Variants in GARIN4 observed in about 807,000 individuals in gnomAD.
GARIN4 encodes Golgi-associated RAB2 interactor protein 4.
chr1:212,624,800 G>C, the GARIN4 span: 6 of 1,457,196 alleles, frequency 4.1e-6, no homozygotes, highest in East Asian at 1.5e-4. Context: ...AGCACCACTG[G>C]TCCCTCATCT....
At chr1:212,624,990 A>C in the GARIN4 span, 1 of 1,614,186 alleles carries the variant, frequency 6.2e-7, no homozygotes, top group Non-Finnish European at 8.5e-7. Context: ...GGGGAGTACG[A>C]TATATTCAAG....
the GARIN4 span, chr1:212,626,573 G>A: frequency 8.7e-5 from 140 of 1,614,120 alleles, 1 homozygote; most frequent in Middle Eastern, 5.0e-4. Flanking sequence ...CGTGGCCATC[G>A]CCGAGACAGC....
the GARIN4 span, chr1:212,626,268 TC>T: frequency 6.2e-7 from 1 of 1,614,046 alleles, no homozygotes. Flanking sequence ...AGGTCCTCAT[TC>T]AGCCACAGAG....
the GARIN4 span, chr1:212,626,116 C>G: frequency 1.9e-6 from 3 of 1,614,088 alleles, no homozygotes; most frequent in South Asian, 3.3e-5. Context: ...GGGAGCGAAC[C>G]CAGGCCAGCG....
the GARIN4 span, chr1:212,625,489 C>G: frequency 4.8e-5 from 78 of 1,614,024 alleles, no homozygotes; most frequent in Middle Eastern, 1.6e-4. Context: ...ACAGGAGGAG[C>G]CTGGGAGCCG....
the GARIN4 span, chr1:212,625,948 C>A: frequency 9.9e-6 from 16 of 1,614,098 alleles, no homozygotes; most frequent in Non-Finnish European, 1.4e-5. Context: ...ATGTTTCCAG[C>A]GCATCCATGA....
At chr1:212,625,831 C>T in the GARIN4 span, 39 of 1,614,062 alleles carry the variant, frequency 2.4e-5, no homozygotes, top group South Asian at 2.6e-4. Flanking sequence ...CGGCCACCAT[C>T]GGTGCAGGAG....
the GARIN4 span, chr1:212,624,821 C>T: frequency 6.7e-7 from 1 of 1,482,552 alleles, no homozygotes; most frequent in Non-Finnish European, 9.0e-7. Flanking sequence ...GCCACCGAGG[C>T]CAAGGAAGAC....
At chr1:212,625,180 T>C in the GARIN4 span, 5 of 1,614,104 alleles carry the variant, frequency 3.1e-6, no homozygotes, top group Non-Finnish European at 4.2e-6. Context: ...ATGCTGGACA[T>C]GGCCAGGCCA....
chr1:212,625,237 G>C, the GARIN4 span: 1 of 1,614,150 alleles, frequency 6.2e-7, no homozygotes, highest in Non-Finnish European at 8.5e-7. Context: ...AGCTCACCAG[G>C]CTTCTGCCCC....
the GARIN4 span, chr1:212,626,176 C>T: frequency 2.9e-5 from 47 of 1,613,978 alleles, no homozygotes; most frequent in Non-Finnish European, 3.5e-5. Context: ...ACAGGGCTCT[C>T]GGAAGGAGTT....
chr1:212,625,971 A>G, the GARIN4 span: 4 of 1,614,234 alleles, frequency 2.5e-6, no homozygotes, highest in Non-Finnish European at 3.4e-6. Context: ...CTTTCCCGAG[A>G]GGGCAGTGTG....
At chr1:212,625,481 A>G in the GARIN4 span, 42 of 1,614,228 alleles carry the variant, frequency 2.6e-5, no homozygotes, top group African/African-American at 5.2e-4. Flanking sequence ...TCAGGAAGAC[A>G]GGAGGAGCCT....
At chr1:212,625,300 G>A in the GARIN4 span, 2 of 1,614,148 alleles carry the variant, frequency 1.2e-6, no homozygotes, top group Non-Finnish European at 1.7e-6. Flanking sequence ...AGCTGCGCCT[G>A]AAGTTCGCCA....
chr1:212,626,769 T>C, the GARIN4 span: 89 of 1,465,470 alleles, frequency 6.1e-5, no homozygotes, highest in Non-Finnish European at 8.0e-5. Context: ...GAATCATACA[T>C]CTGAAAGTGG....
chr1:212,625,197 G>GA, the GARIN4 span: 1 of 1,613,934 alleles, frequency 6.2e-7, no homozygotes, highest in African/African-American at 1.3e-5. Flanking sequence ...GCCACCAAGA[G>GA]AAAAAAACGC....
At chr1:212,626,218 C>T in the GARIN4 span, 4 of 1,614,044 alleles carry the variant, frequency 2.5e-6, no homozygotes, top group South Asian at 2.2e-5. Context: ...AAAGCCGCCA[C>T]AAAACAAGGG....
At chr1:212,625,701 T>A in the GARIN4 span, 42 of 1,613,982 alleles carry the variant, frequency 2.6e-5, no homozygotes, top group Non-Finnish European at 3.4e-5. Context: ...ACAGGGGGGA[T>A]TAAAGAGGCA....
chr1:212,626,020 A>G, the GARIN4 span: 1 of 1,614,266 alleles, frequency 6.2e-7, no homozygotes, highest in Non-Finnish European at 8.5e-7. Context: ...CCAGCAGGAC[A>G]GCTGCAGAAG....
Sources: gnomAD v4.1 joint callset for allele counts on GRCh38, gnomAD v4.1.1 for gene constraint, MANE v1.5 for transcripts, NCBI Gene and HGNC (gene_info 2026-07-23, HGNC 2026-07-21) for gene names.